NFIA: variants seen among roughly 807,000 people sequenced by gnomAD.
NFIA encodes nuclear factor 1 A-type.
NFIA carries 8 observed loss-of-function variants against 62.8 expected under a neutral mutation model. That is an observed-to-expected ratio of 0.13 (90% CI 0.07 to 0.23). The LOEUF is 0.23. Among genes scored for constraint, NFIA ranks in the 10% least tolerant of loss-of-function variants. The probability of loss-of-function intolerance (pLI) is 1.00; values close to 1 mark genes in which losing one functional copy is unlikely to be tolerated. For synonymous variants in NFIA, 235 were observed against 238.1 expected (o/e 0.99, Z 0.12); for missense variants, 410 against 642.1 (o/e 0.64, Z 3.91).
chr1:61,291,561 A>G (rs1433951971), intron 3 of NFIA, among the ~76,000 whole-genome samples: 1 of 152,232 alleles, frequency 6.6e-6, no homozygotes, highest in African/African-American at 2.4e-5. Context: ...ATTCTAAGAT[A>G]TAGAGGACAA....
intron 2 of NFIA, among the ~76,000 whole-genome samples, chr1:61,096,666 C>T (rs1478778433): frequency 6.7e-6 from 1 of 149,010 alleles, no homozygotes; most frequent in African/African-American, 2.5e-5. Context: ...AATTCTCCTG[C>T]CTCAGTCTCC....
At chr1:61,220,950 C>T (rs1653980840) in intron 2 of NFIA, among the ~76,000 whole-genome samples, 1 of 152,142 alleles carries the variant, frequency 6.6e-6, no homozygotes, top group African/African-American at 2.4e-5. Flanking sequence ...CATACAGATA[C>T]TTGCAGTGTG....
intron 2 of NFIA, among the ~76,000 whole-genome samples, chr1:61,164,004 A>G (rs1649397661): frequency 6.6e-6 from 1 of 152,222 alleles, no homozygotes; most frequent in African/African-American, 2.4e-5. Flanking sequence ...TACATGAATC[A>G]TAGGATGCTT....
intron 2 of NFIA, among the ~76,000 whole-genome samples, chr1:61,229,024 A>T (rs918328644): frequency 1.3e-5 from 2 of 152,134 alleles, no homozygotes; most frequent in Non-Finnish European, 2.9e-5. Flanking sequence ...AAGAATGCAA[A>T]TATATTGCCC....
intron 2 of NFIA, among the ~76,000 whole-genome samples, chr1:61,112,124 AT>A (rs36050665): frequency 0.89 from 133,619 of 150,122 alleles, 59,995 homozygotes; most frequent in Middle Eastern, 0.95. Context: ...AAATAGAAAG[AT>A]TTTTTTTTTT....
intron 2 of NFIA, among the ~76,000 whole-genome samples, chr1:61,113,383 A>G (rs765435455): frequency 6.6e-6 from 1 of 152,084 alleles, no homozygotes; most frequent in African/African-American, 2.4e-5. Context: ...GCCTGAGGTC[A>G]GGAGTTTGAG....
chr1:61,204,279 T>G lies in NFIA; in HGVS notation c.560-73241T>G, dbSNP rs190797800. The stretch of plus-strand genomic sequence containing the variant: ...GGAATTAAACTTGGGTTTTGATTAG[T>G]GAACTTGAGCCAGTTAGCTGGTGGA... On this transcript the variant is annotated intron_variant, in intron 2 of 10. Coordinates refer to ENST00000403491, the MANE Select transcript of NFIA (RefSeq NM_001134673.4). Among the ~76,000 whole-genome samples, 106 of 152,334 alleles carry G rather than the reference T, an allele frequency of 7.0e-4. 1 individual carries two copies. Among genetic ancestry groups the G allele is most frequent in the African/African-American group, 2.2e-3 (90 of 41,580 alleles).
At chr1:61,202,682 A>G (rs1233851596) in intron 2 of NFIA, among the ~76,000 whole-genome samples, 4 of 152,212 alleles carry the variant, frequency 2.6e-5, no homozygotes, top group African/African-American at 7.2e-5. Flanking sequence ...ATACATAAAG[A>G]ACATGTTTTT....
At chr1:61,445,900 A>G (rs560767664) in intron 10 of NFIA, among the ~76,000 whole-genome samples, 6 of 152,250 alleles carry the variant, frequency 3.9e-5, no homozygotes, top group African/African-American at 1.4e-4. Flanking sequence ...CTGACTCCCT[A>G]CAAACTAGGA....
At chr1:61,199,545 C>T (rs528729979) in intron 2 of NFIA, among the ~76,000 whole-genome samples, 4 of 152,142 alleles carry the variant, frequency 2.6e-5, no homozygotes, top group African/African-American at 7.2e-5. Context: ...AACTCAGATC[C>T]GTTTGACTTG....
intron 2 of NFIA, among the ~76,000 whole-genome samples, chr1:61,266,350 T>C (rs1324370471): frequency 1.3e-5 from 2 of 152,040 alleles, no homozygotes; most frequent in Non-Finnish European, 2.9e-5. Flanking sequence ...AAGAGCTAAT[T>C]TTTTTTCTTT....
intron 8 of NFIA, among the ~76,000 whole-genome samples, chr1:61,405,028 C>T (rs563350875): frequency 9.9e-5 from 15 of 152,216 alleles, no homozygotes; most frequent in African/African-American, 3.6e-4. Context: ...AAACAACGAC[C>T]AGCATAAAGC....
intron 10 of NFIA, among the ~76,000 whole-genome samples, chr1:61,447,347 T>G (rs1479785663): frequency 1.3e-5 from 2 of 152,228 alleles, no homozygotes; most frequent in Admixed American, 1.3e-4. Flanking sequence ...AATACAGCCT[T>G]TAATGAATTT....
At chr1:61,205,650 A>G (rs1268380566) in intron 2 of NFIA, among the ~76,000 whole-genome samples, 1 of 152,094 alleles carries the variant, frequency 6.6e-6, no homozygotes, top group African/African-American at 2.4e-5. Context: ...ACTAGGCATA[A>G]ATATGTTAAA....
chr1:61,199,824 A>G (rs891183009), intron 2 of NFIA, among the ~76,000 whole-genome samples: 1 of 151,116 alleles, frequency 6.6e-6, no homozygotes, highest in Admixed American at 6.6e-5. Context: ...GTGAAATCCC[A>G]TCTCTACTAA....
At chr1:61,317,104 C>G (rs939239610) in intron 3 of NFIA, among the ~76,000 whole-genome samples, 1 of 151,936 alleles carries the variant, frequency 6.6e-6, no homozygotes, top group East Asian at 1.9e-4. Flanking sequence ...ATTCAGTTTC[C>G]TAGAGCAGGC....
chr1:61,136,432 C>T (rs956910407), intron 2 of NFIA, among the ~76,000 whole-genome samples: 3 of 152,106 alleles, frequency 2.0e-5, no homozygotes, highest in Admixed American at 6.5e-5. Flanking sequence ...ACAAATTATA[C>T]GCAAACTAGT....
chr1:61,159,101 C>A (rs1649002011), intron 2 of NFIA, among the ~76,000 whole-genome samples: 1 of 151,678 alleles, frequency 6.6e-6, no homozygotes. Context: ...TCATAGGGGT[C>A]TATACATCAG....
intron 2 of NFIA, among the ~76,000 whole-genome samples, chr1:61,145,599 T>C (rs189531588): frequency 2.0e-5 from 3 of 152,340 alleles, no homozygotes; most frequent in Admixed American, 2.0e-4. Context: ...TTACTTTCTT[T>C]TTCACACATG....
Sources: gnomAD v4.1 joint callset for allele counts (sites outside exome capture counted in the v4.1 genomes callset) on GRCh38, gnomAD v4.1.1 for gene constraint, MANE v1.5 for transcripts, NCBI Gene and HGNC (gene_info 2026-07-23, HGNC 2026-07-21) for gene names.